Variants in TMCO4 observed in about 807,000 individuals in gnomAD.
TMCO4 encodes transmembrane and coiled-coil domain-containing protein 4.
TMCO4 carries 58 observed loss-of-function variants against 64.7 expected under a neutral mutation model. That is an observed-to-expected ratio of 0.90 (90% CI 0.73 to 1.12). The LOEUF (loss-of-function observed/expected upper bound fraction) is 1.12, where lower values mean the gene tolerates loss of function less well. Ranked by LOEUF, TMCO4 falls within the 50% of genes most tolerant of loss-of-function variation. The probability of loss-of-function intolerance (pLI) is 0.00; values close to 1 mark genes in which losing one functional copy is unlikely to be tolerated. For missense variants in TMCO4, 780 were observed against 825.9 expected, an observed-to-expected ratio of 0.94 and a Z score of 0.68; for synonymous variants, 325 against 346.1, an observed-to-expected ratio of 0.94 and a Z score of 0.68.
chr1:19,693,892 G>C (rs931271608), intron 15 of TMCO4, among the ~76,000 whole-genome samples: 5 of 152,200 alleles, frequency 3.3e-5, no homozygotes, highest in Non-Finnish European at 7.3e-5. Context: ...GGGGAGCCCT[G>C]GGTGGGGGGG....
intron 1 of TMCO4, chr1:19,799,037 G>A (rs1467131009): frequency 6.7e-6 from 1 of 149,890 alleles, no homozygotes; most frequent in African/African-American, 2.6e-5. Context: ...CCCAGGGAAG[G>A]GCCAGGCAGC....
intron 15 of TMCO4, among the ~76,000 whole-genome samples, chr1:19,693,360 G>A (rs2095213237): frequency 6.6e-6 from 1 of 151,892 alleles, no homozygotes; most frequent in Non-Finnish European, 1.5e-5. Context: ...GCAGGCTCCT[G>A]TAATCCCCGC....
chr1:19,714,346 G>T (rs560245604), intron 13 of TMCO4, among the ~76,000 whole-genome samples: 1 of 152,104 alleles, frequency 6.6e-6, no homozygotes, highest in Non-Finnish European at 1.5e-5. Context: ...TTTATTTTCA[G>T]ATCTCCGTAT....
chr1:19,689,566 C>A (rs576441359), intron 15 of TMCO4, among the ~76,000 whole-genome samples: 3 of 152,234 alleles, frequency 2.0e-5, no homozygotes, highest in Non-Finnish European at 4.4e-5. Flanking sequence ...CAAGGTCACA[C>A]AGCCAGTAAA....
intron 6 of TMCO4, among the ~76,000 whole-genome samples, chr1:19,769,043 G>A (rs999850731): frequency 6.6e-6 from 1 of 152,202 alleles, no homozygotes; most frequent in East Asian, 1.9e-4. Context: ...GGCCAAGCAC[G>A]CATGAGAAAG....
At position 19,770,549 on chromosome 1, in the gene TMCO4, G is replaced by T. The variant is rs1570971024; in HGVS notation, c.375C>A (p.Leu125=). Residue 125 remains leucine, a synonymous_variant, in exon 6 of 16, where the codon CTC becomes CTA. Transcript: ENST00000294543. ...CTTAGAAAATCAACTTACCATCCTT[G>T]AGTGAGAAGCTCAGAAGGTCCTGAG... ...VITQDLLSFS[L]KDGHYDARAR... is the part of the protein sequence containing the mutation. The T allele has an allele frequency of 6.2e-7, 1 of 1,613,894 alleles. No homozygotes were observed. The highest frequency in any genetic ancestry group is 8.5e-7 in the Non-Finnish European group (1 of 1,179,882).
Position 19,734,128 on chromosome 1 carries a change from T to G in TMCO4, c.1264+3244A>C, listed in dbSNP as rs2095442491. On this transcript the variant is annotated intron_variant, in intron 13 of 15. Transcript: ENST00000294543. The surrounding 1 kb of genome is among the most constrained non-coding windows in gnomAD (Gnocchi z 4.4). ...GTGAGACCTGAGAAATGAGTAGGAA[T>G]TATCTAGAAAAGGAGACAGAGAGGA... Among the ~76,000 whole-genome samples the G allele has an allele frequency of 6.6e-6, 1 of 152,062 alleles. No homozygotes were observed. Among genetic ancestry groups the G allele is most frequent in the South Asian group, 2.1e-4 (1 of 4,808 alleles).
intron 3 of TMCO4, among the ~76,000 whole-genome samples, chr1:19,782,686 GGA>G (rs2043546773): frequency 6.6e-6 from 1 of 152,358 alleles, no homozygotes; most frequent in East Asian, 1.9e-4. Flanking sequence ...GGAGAGAAAA[GGA>G]GAGAGGGGAC....
intron 3 of TMCO4, among the ~76,000 whole-genome samples, chr1:19,781,251 A>C (rs1415116441): frequency 2.0e-5 from 3 of 151,866 alleles, no homozygotes; most frequent in Non-Finnish European, 4.4e-5. Flanking sequence ...GATTGAGCCC[A>C]GGAGTTCAAG....
chr1:19,795,214 C>CAA (rs1258410711), intron 2 of TMCO4, among the ~76,000 whole-genome samples: 2 of 151,912 alleles, frequency 1.3e-5, no homozygotes, highest in Non-Finnish European at 2.9e-5. Context: ...CTCACGCCTG[C>CAA]AATCCCAGCA....
At chr1:19,729,495 G>C (rs1301356656) in intron 13 of TMCO4, among the ~76,000 whole-genome samples, 2 of 151,646 alleles carry the variant, frequency 1.3e-5, no homozygotes, top group African/African-American at 2.4e-5. Context: ...CCCTGGCGCA[G>C]TGGCTCACAC....
At chr1:19,764,060 C>T (rs191489413) in intron 6 of TMCO4, among the ~76,000 whole-genome samples, 11 of 152,350 alleles carry the variant, frequency 7.2e-5, no homozygotes, top group African/African-American at 2.4e-4. Flanking sequence ...CTGAGACCCT[C>T]CCATCTCCAC....
At chr1:19,719,461 A>G (rs530092282) in intron 13 of TMCO4, among the ~76,000 whole-genome samples, 1 of 152,188 alleles carries the variant, frequency 6.6e-6, no homozygotes, top group Non-Finnish European at 1.5e-5. Context: ...CATAATAACC[A>G]TAACAGTAAC....
chr1:19,769,570 A>G (rs1381811394), intron 6 of TMCO4, among the ~76,000 whole-genome samples: 1 of 152,182 alleles, frequency 6.6e-6, no homozygotes, highest in Non-Finnish European at 1.5e-5. Flanking sequence ...GGATGCTGGC[A>G]ATTTCTTCTA....
chr1:19,796,652 G>GCAACCTCCACCTCCCGGATT (rs1553155468), intron 2 of TMCO4, among the ~76,000 whole-genome samples: 30 of 152,076 alleles, frequency 2.0e-4, no homozygotes, highest in Admixed American at 2.0e-3. Context: ...TCGGCTCACT[G>GCAACCTCCACCTCCCGGATT]CAACCTCCAC....
At chr1:19,755,604 A>G (rs745497353) in intron 7 of TMCO4, 30 bp downstream of exon 7, 51 of 1,612,608 alleles carry the variant, frequency 3.2e-5, no homozygotes, top group Middle Eastern at 1.7e-4. Context: ...AAATCCTTGG[A>G]TCCTGATGGG....
intron 7 of TMCO4, among the ~76,000 whole-genome samples, chr1:19,747,561 C>CT (rs1347028904): frequency 3.9e-5 from 6 of 152,156 alleles, no homozygotes; most frequent in Non-Finnish European, 7.3e-5. Context: ...CAAAAAAGAT[C>CT]TTTAAACAGA....
At chr1:19,696,095 T>C (rs928520079) in intron 14 of TMCO4, among the ~76,000 whole-genome samples, 3 of 152,142 alleles carry the variant, frequency 2.0e-5, no homozygotes, top group African/African-American at 7.2e-5. Flanking sequence ...GGAGTCTTCC[T>C]AGAACACCCA....
At chr1:19,794,318 C>A (rs2044199936) in intron 2 of TMCO4, among the ~76,000 whole-genome samples, 1 of 152,212 alleles carries the variant, frequency 6.6e-6, no homozygotes, top group African/African-American at 2.4e-5. Context: ...CAAACACCAG[C>A]CTCCCAATTC....
Sources: allele counts gnomAD v4.1 joint callset (sites outside exome capture counted in the v4.1 genomes callset), GRCh38; gene constraint gnomAD v4.1.1; non-coding constraint Gnocchi (gnomAD v3.1); transcripts MANE v1.5; gene names NCBI Gene and HGNC (gene_info 2026-07-23, HGNC 2026-07-21).